Variants in PDE7A observed in about 807,000 individuals in gnomAD.
PDE7A encodes phosphodiesterase 7A.
Under a neutral mutation model 64.3 loss-of-function variants are expected in PDE7A, and 39 were observed. The observed-to-expected ratio is 0.61, with a 90% CI of 0.47 to 0.79. The LOEUF (loss-of-function observed/expected upper bound fraction) is 0.79. Among genes scored for constraint, PDE7A ranks in the 30% least tolerant of loss-of-function variants. The pLI, the probability that PDE7A is intolerant of heterozygous loss-of-function variation, is 0.00. For missense variants in PDE7A, 470 were observed against 582.8 expected, an observed-to-expected ratio of 0.81 and a Z score of 1.99; for synonymous variants, 203 against 206.8, an observed-to-expected ratio of 0.98 and a Z score of 0.16.
chr8:65,782,907 A>G, intron 1 of PDE7A, 64 bp from the exon 2 acceptor site: 2 of 911,256 alleles, frequency 2.2e-6, no homozygotes, highest in Non-Finnish European at 3.5e-6. Context: ...TCAACTCAAC[A>G]AACATGTATT....
At chr8:65,805,445 G>C (rs1238523536) in intron 1 of PDE7A, among the ~76,000 whole-genome samples, 3 of 152,110 alleles carry the variant, frequency 2.0e-5, no homozygotes, top group African/African-American at 7.2e-5. Context: ...AATAAAATAT[G>C]GTGCTGTAGA....
At chr8:65,781,876 G>A (rs1809427841) in intron 2 of PDE7A, among the ~76,000 whole-genome samples, 2 of 152,170 alleles carry the variant, frequency 1.3e-5, no homozygotes, top group Admixed American at 1.3e-4. Flanking sequence ...ACAGCAAGGA[G>A]AAAAAGGCTG....
intron 1 of PDE7A, among the ~76,000 whole-genome samples, chr8:65,790,938 C>T (rs1378949275): frequency 1.3e-5 from 2 of 152,164 alleles, no homozygotes; most frequent in Non-Finnish European, 2.9e-5. Flanking sequence ...GGCTGTGCAG[C>T]CTGGGCCCCT....
At chr8:65,806,161 AAAGTAG>A (rs1289805089) in intron 1 of PDE7A, among the ~76,000 whole-genome samples, 1 of 152,242 alleles carries the variant, frequency 6.6e-6, no homozygotes, top group Non-Finnish European at 1.5e-5. Flanking sequence ...ACTAACTGTA[AAAGTAG>A]AAGTACGAAA....
chr8:65,785,157 C>T (rs1201501545), intron 1 of PDE7A, among the ~76,000 whole-genome samples: 2 of 151,992 alleles, frequency 1.3e-5, no homozygotes, highest in African/African-American at 4.8e-5. Context: ...CTTAAAAAAA[C>T]ACAGTTCATG....
chr8:65,733,927 T>G (rs1279823266), intron 7 of PDE7A, among the ~76,000 whole-genome samples: 1 of 152,126 alleles, frequency 6.6e-6, no homozygotes, highest in African/African-American at 2.4e-5. Context: ...AGAGATGGGA[T>G]AGGCAGACAT....
At chr8:65,736,135 G>A (rs759197692) in intron 6 of PDE7A, among the ~76,000 whole-genome samples, 9 of 152,058 alleles carry the variant, frequency 5.9e-5, no homozygotes, top group Admixed American at 1.3e-4. Context: ...AAAATAGAAC[G>A]ATTATAACAA....
At chr8:65,831,701 C>T (rs565005150) in intron 1 of PDE7A, among the ~76,000 whole-genome samples, 12 of 151,820 alleles carry the variant, frequency 7.9e-5, no homozygotes, top group Non-Finnish European at 1.8e-4. Flanking sequence ...ATCAGTCAAA[C>T]CCTTGGAGAC....
intron 3 of PDE7A, among the ~76,000 whole-genome samples, chr8:65,771,545 G>C (rs1195373775): frequency 6.6e-6 from 1 of 152,146 alleles, no homozygotes; most frequent in Non-Finnish European, 1.5e-5. Context: ...CCTGGGTAAA[G>C]GGTAGAGGAT....
chr8:65,805,269 T>A (rs57759707), intron 1 of PDE7A, among the ~76,000 whole-genome samples: 3,308 of 152,346 alleles, frequency 0.022, 57 homozygotes, highest in African/African-American at 0.048. Flanking sequence ...TACAAACTGG[T>A]ACCACAGTAG....
chr8:65,832,119 T>C (rs546672943), intron 1 of PDE7A, among the ~76,000 whole-genome samples: 1 of 152,328 alleles, frequency 6.6e-6, no homozygotes, highest in Admixed American at 6.5e-5. Flanking sequence ...ATTATGTTGC[T>C]AGCATTTCTT....
chr8:65,834,249 C>G (rs1047558955), intron 1 of PDE7A, among the ~76,000 whole-genome samples: 7 of 152,096 alleles, frequency 4.6e-5, no homozygotes, highest in Non-Finnish European at 1.0e-4. Context: ...AACGATCCAC[C>G]TCCCCTTAAT....
intron 1 of PDE7A, among the ~76,000 whole-genome samples, chr8:65,803,634 C>T (rs1810045806): frequency 6.6e-6 from 1 of 152,082 alleles, no homozygotes; most frequent in African/African-American, 2.4e-5. Flanking sequence ...TGCACACACC[C>T]ACAAGATAGG....
At chr8:65,792,199 G>C (rs534276965) in intron 1 of PDE7A, among the ~76,000 whole-genome samples, 8 of 152,080 alleles carry the variant, frequency 5.3e-5, no homozygotes, top group Non-Finnish European at 7.4e-5. Context: ...TAATAAATCA[G>C]GTGACTATTC....
intron 3 of PDE7A, among the ~76,000 whole-genome samples, chr8:65,772,750 T>C (rs753694838): frequency 2.6e-5 from 4 of 152,180 alleles, no homozygotes; most frequent in Non-Finnish European, 5.9e-5. Context: ...ATGCCTGTAA[T>C]CCCAGCACTT....
chr8:65,823,467 T>C (rs937761258), intron 1 of PDE7A, among the ~76,000 whole-genome samples: 7 of 152,216 alleles, frequency 4.6e-5, no homozygotes, highest in African/African-American at 1.7e-4. Context: ...AACTAATCTG[T>C]CTAAATGGGT....
chr8:65,831,620 A>C (rs965634016), intron 1 of PDE7A, among the ~76,000 whole-genome samples: 5 of 152,038 alleles, frequency 3.3e-5, no homozygotes. Flanking sequence ...AGAGCTATGC[A>C]GGTGTACCTG....
intron 1 of PDE7A, among the ~76,000 whole-genome samples, chr8:65,808,329 TAA>T: frequency 6.6e-6 from 1 of 152,332 alleles, no homozygotes; most frequent in Non-Finnish European, 1.5e-5. Context: ...TAATAATGAA[TAA>T]GTTACTACAA....
At chr8:65,803,359 C>T (rs1371571073) in intron 1 of PDE7A, among the ~76,000 whole-genome samples, 1 of 152,190 alleles carries the variant, frequency 6.6e-6, no homozygotes, top group African/African-American at 2.4e-5. Context: ...ACTGAAGATT[C>T]ATTATCAAGT....
Sources: gnomAD v4.1 joint callset for allele counts (sites outside exome capture counted in the v4.1 genomes callset) on GRCh38, gnomAD v4.1.1 for gene constraint, MANE v1.5 for transcripts, NCBI Gene and HGNC (gene_info 2026-07-23, HGNC 2026-07-21) for gene names.